ADAMTS7: variants seen among roughly 807,000 people sequenced by gnomAD.
ADAMTS7 encodes the protein A disintegrin and metalloproteinase with thrombospondin motifs 7.
In ADAMTS7, 89 loss-of-function variants were observed where a neutral mutation model predicts 172.6. The ratio of observed to expected loss-of-function variants is 0.52; its 90% confidence interval spans 0.43 to 0.61. The LOEUF is 0.61. ADAMTS7 is among the 20% of genes least tolerant of loss of function. ADAMTS7 has a pLI of 0.00. For synonymous variants in ADAMTS7, 885 were observed against 978.4 expected, an observed-to-expected ratio of 0.90 and a Z score of 1.78; for missense variants, 1,973 against 2,355.6, an observed-to-expected ratio of 0.84 and a Z score of 3.36.
At chr15:78,778,893 G>A (rs1270782743) in intron 8 of ADAMTS7, among the ~76,000 whole-genome samples, 1 of 152,164 alleles carries the variant, frequency 6.6e-6, no homozygotes, top group African/African-American at 2.4e-5. Flanking sequence ...GAGGCTGGGA[G>A]AACACGAAAG....
chr15:78,776,710 T>C, intron 10 of ADAMTS7, 39 bp downstream of exon 10: 1 of 1,527,010 alleles, frequency 6.5e-7, no homozygotes, highest in Non-Finnish European at 8.9e-7. Context: ...AAGTCTGGCC[T>C]CTCACACACC....
At chr15:78,786,144 T>G (rs11072804) in intron 8 of ADAMTS7, among the ~76,000 whole-genome samples, 47,402 of 150,116 alleles carry the variant, frequency 0.32, 8,649 homozygotes, top group Non-Finnish European at 0.43. Context: ...TGGCCAGGCT[T>G]GTCTCGAACT....
rs546315413 is a variant in ADAMTS7 at position 78,789,556 on chromosome 15, G to T, written c.1178+133C>A. 87 of 1,261,790 alleles carry T rather than the reference G, an allele frequency of 6.9e-5. 1 individual carries two copies. The East Asian group carries it at 2.0e-3, about 29-fold the overall frequency. The allele number at this position is 1,261,790 out of a possible 1,614,324, so 78.2% of individuals were successfully genotyped here. A position where few individuals can be genotyped will look rare whatever the true frequency, so the allele number is the denominator to read the frequency against. The stretch of plus-strand genomic sequence containing the variant: ...GGGGACAGTGCAGGGGCAGCACATG[G>T]CCAGTCAGGGCTCCTTTTCCAGAGA... On this transcript the variant is annotated intron_variant, in intron 7 of 23. Coordinates refer to ENST00000388820, the MANE Select transcript of ADAMTS7 (RefSeq NM_014272.5).
Position 78,766,572 on chromosome 15 carries a change from G to A in ADAMTS7, c.3339C>T (p.Ala1113=), listed in dbSNP as rs766053800. The A allele has an allele frequency of 6.2e-7, 1 of 1,604,032 alleles. No homozygotes were observed. Among genetic ancestry groups the A allele is most frequent in the East Asian group, 2.2e-5 (1 of 44,850 alleles). ...CCTCCTTGGCTGCAGGAGGCTCTGT[G>A]GCAGGCACGGGGCTACCCGTGGAGG... ...AAPSTGSPVP[A]TEPPAAKEEG... is the part of the protein sequence containing the mutation. The change falls in exon 19 of 24, where the codon GCC becomes GCT. Residue 1113 remains alanine, a synonymous_variant. Transcript: ENST00000388820.
intron 14 of ADAMTS7, among the ~76,000 whole-genome samples, chr15:78,772,694 G>A (rs895117549): frequency 6.6e-6 from 1 of 152,262 alleles, no homozygotes; most frequent in African/African-American, 2.4e-5. Context: ...CCAGGACTAA[G>A]CGCTTCACCT....
At position 78,763,514 on chromosome 15, in the gene ADAMTS7, C is replaced by T. The variant is rs114099309; in HGVS notation, c.4740+185G>A. 4.2e-3 allele frequency among the ~76,000 whole-genome samples: 644 copies of T among 152,366 alleles called. 4 individuals carry two copies. The highest frequency in any genetic ancestry group is 0.014 in the African/African-American group (589 of 41,582). ...AGGCCTTCCCTGACACCACAGCACACGCGCCCTTTCCTTGTCTGTTTCTCC... is the reference window on the plus strand; with the variant it reads ...AGGCCTTCCCTGACACCACAGCACATGCGCCCTTTCCTTGTCTGTTTCTCC... On this transcript the variant is annotated intron_variant, in intron 22 of 23. Transcript: ENST00000388820.
Position 78,766,964 on chromosome 15 carries a change from G to A in ADAMTS7, c.2947C>T (p.Pro983Ser). ...AGAGAGCAGGTGACTTCGCTGGCTG[G>A]CTGCTGGGCCTCGTCACAGGGGACA... ...TGVPCDEAQQPASEVTCSLPL... is the reference protein window; with the variant it reads ...TGVPCDEAQQSASEVTCSLPL... Residue 983 changes from proline to serine, a missense_variant, in exon 19 of 24, where the codon CCA (proline) becomes TCA (serine). This residue lies in a region of ADAMTS7 where 771 missense variants were observed against 952.6 expected (regional missense o/e 0.81). Transcript: ENST00000388820. The A allele has an allele frequency of 6.2e-7, 1 of 1,610,590 alleles. No homozygotes were observed. The highest frequency in any genetic ancestry group is 8.5e-7 in the Non-Finnish European group (1 of 1,179,252).
At chr15:78,786,483 A>T (rs536140113) in intron 8 of ADAMTS7, among the ~76,000 whole-genome samples, 1 of 152,292 alleles carries the variant, frequency 6.6e-6, no homozygotes, top group South Asian at 2.1e-4. Context: ...TTTCCATTTG[A>T]ACCAGACTTA....
In ADAMTS7 at chr15:78,774,578, C is replaced by G. The variant is rs750334178; in HGVS notation, c.1876+46G>C. On this transcript the variant is annotated intron_variant, in intron 12 of 23. Coordinates refer to ENST00000388820, the MANE Select transcript of ADAMTS7 (RefSeq NM_014272.5). Reference sequence around the variant, plus strand: ...ACAGGGTAACCTTGGACCCACACACCCCCAGCCCTCTAAGCCTCAATGTCT... The same window carrying G: ...ACAGGGTAACCTTGGACCCACACACGCCCAGCCCTCTAAGCCTCAATGTCT... 3 of 1,610,808 alleles carry G rather than the reference C, an allele frequency of 1.9e-6. No individual in the cohort carries two copies. In the East Asian group the frequency reaches 6.7e-5, roughly 36 times the overall value.
In ADAMTS7 at chr15:78,797,942, G is replaced by A. The variant is rs576727830; in HGVS notation, c.622+6C>T. ...CCACCCGAGAACTGGGAGCAGAAGA[G>A]CATACCTTGCACTCCACAGGTGCTT... On this transcript the variant is annotated splice_donor_region_variant and intron_variant, in intron 3 of 23. Transcript: ENST00000388820. 9.4e-6 allele frequency: 15 copies of A among 1,597,778 alleles called. No homozygotes were observed. In the South Asian group the frequency reaches 1.5e-4, roughly 16 times the overall value.
At chr15:78,769,030 G>A (rs2055205367) in intron 16 of ADAMTS7, among the ~76,000 whole-genome samples, 1 of 152,174 alleles carries the variant, frequency 6.6e-6, no homozygotes, top group South Asian at 2.1e-4. Context: ...TGAGCCTTCA[G>A]GGCCCAGTGT....
intron 16 of ADAMTS7, among the ~76,000 whole-genome samples, chr15:78,768,911 T>C (rs528145831): frequency 1.6e-4 from 24 of 152,254 alleles, no homozygotes; most frequent in African/African-American, 5.8e-4. Context: ...TTCCCTCTGC[T>C]CCTTCCCGGG....
At chr15:78,768,580 C>G (rs1262331105) in intron 16 of ADAMTS7, among the ~76,000 whole-genome samples, 2 of 152,230 alleles carry the variant, frequency 1.3e-5, no homozygotes. Context: ...CTCTGAACCT[C>G]AGTGTCCTCC....
rs1158443685 is a variant in ADAMTS7 at position 78,771,371 on chromosome 15, G to C, written c.2377-68C>G. 2 of 1,607,354 alleles carry C rather than the reference G, an allele frequency of 1.2e-6. No individual in the cohort carries two copies. Among genetic ancestry groups the C allele is most frequent in the African/African-American group, 1.3e-5 (1 of 74,816 alleles). On this transcript the variant is annotated intron_variant, in intron 15 of 23. Coordinates refer to ENST00000388820, the MANE Select transcript of ADAMTS7 (RefSeq NM_014272.5). The surrounding 1 kb of genome is among the most constrained non-coding windows in gnomAD (Gnocchi z 4.9). ...CCATCCACCCAGTCCTAAAGGAGCT[G>C]ACCCCAGCCACCTCTGTGAACTGCA... is the stretch of plus-strand genomic sequence containing the variant.
At chr15:78,783,682 A>C (rs1238341285) in intron 8 of ADAMTS7, among the ~76,000 whole-genome samples, 3 of 152,222 alleles carry the variant, frequency 2.0e-5, no homozygotes, top group Non-Finnish European at 4.4e-5. Flanking sequence ...GTAAGTAATA[A>C]CCTCGCAGAG....
chr15:78,773,311 G>A, intron 13 of ADAMTS7, 108 bp from the exon 14 acceptor site: 1 of 1,102,520 alleles, frequency 9.1e-7, no homozygotes, highest in Non-Finnish European at 1.3e-6. Context: ...GTTGGGGTCG[G>A]GAGGCCTCTC....
intron 11 of ADAMTS7, among the ~76,000 whole-genome samples, chr15:78,775,499 G>A (rs2055327901): frequency 6.6e-6 from 1 of 151,786 alleles, no homozygotes; most frequent in African/African-American, 2.4e-5. Context: ...GTAGTGCCTC[G>A]GTCTACAGTA....
intron 1 of ADAMTS7, among the ~76,000 whole-genome samples, chr15:78,801,501 C>G (rs2055725238): frequency 6.6e-6 from 1 of 152,220 alleles, no homozygotes; most frequent in African/African-American, 2.4e-5. Flanking sequence ...CCTCCTCTAA[C>G]GACTTTATTT....
At chr15:78,781,334 C>A (rs1245328416) in intron 8 of ADAMTS7, among the ~76,000 whole-genome samples, 1 of 152,206 alleles carries the variant, frequency 6.6e-6, no homozygotes, top group African/African-American at 2.4e-5. Flanking sequence ...CCTCCGCACA[C>A]CCTCTTCCTT....
Sources: gnomAD v4.1 joint callset for allele counts (sites outside exome capture counted in the v4.1 genomes callset) on GRCh38, gnomAD v4.1.1 for gene constraint, gnomAD v4.1.1 regional missense constraint, Gnocchi (gnomAD v3.1) non-coding constraint, MANE v1.5 for transcripts, NCBI Gene and HGNC (gene_info 2026-07-23, HGNC 2026-07-21) for gene names.